Variants in CEP126 observed in about 807,000 individuals in gnomAD.
CEP126 encodes centrosomal protein of 126 kDa.
In CEP126, 74 loss-of-function variants were observed where a neutral mutation model predicts 107.8. The ratio of observed to expected loss-of-function variants is 0.69; its 90% CI spans 0.57 to 0.83. CEP126 has a LOEUF of 0.83. Among genes scored for constraint, CEP126 ranks in the 40% least tolerant of loss-of-function variants. CEP126 has a pLI of 0.00. For synonymous variants in CEP126, 449 were observed against 446.0 expected (o/e 1.01, Z -0.08); for missense variants, 1,237 against 1,281.9 (o/e 0.96, Z 0.53).
intron 9 of CEP126, among the ~76,000 whole-genome samples, chr11:101,989,060 G>A (rs4754826): frequency 0.056 from 8,577 of 152,036 alleles, 463 homozygotes; most frequent in East Asian, 0.27. Flanking sequence ...AATGAACCAT[G>A]TATAAGACCA....
intron 9 of CEP126, among the ~76,000 whole-genome samples, chr11:101,989,950 A>C (rs1345428884): frequency 6.6e-6 from 1 of 152,080 alleles, no homozygotes. Flanking sequence ...ACAGAGTGAG[A>C]CTCCATCTCA....
At position 101,963,187 on chromosome 11, in the gene CEP126, G is replaced by A. The variant is rs1305288311; in HGVS notation, c.2152G>A (p.Gly718Ser). Residue 718 changes from glycine to serine, a missense_variant, in exon 6 of 11, where the codon GGT (glycine) becomes AGT (serine). Transcript: ENST00000263468. ...GCCTTTGAACTGTTTTATACCTTCAGGTTATAACTTTGCTAAACATGCCTG... is the reference window on the plus strand; with the variant it reads ...GCCTTTGAACTGTTTTATACCTTCAAGTTATAACTTTGCTAAACATGCCTG... ...HMPLNCFIPS[G>S]YNFAKHAWPA... 6.2e-7 allele frequency: 1 copy of A among 1,613,982 alleles called. No homozygotes were observed. Among genetic ancestry groups the A allele is most frequent in the Admixed American group, 1.7e-5 (1 of 60,010 alleles).
At chr11:101,941,385 A>G (rs1184679255) in intron 2 of CEP126, among the ~76,000 whole-genome samples, 2 of 152,162 alleles carry the variant, frequency 1.3e-5, no homozygotes, top group African/African-American at 4.8e-5. Flanking sequence ...TTAAAGTGAA[A>G]TCATACAACA....
intron 2 of CEP126, among the ~76,000 whole-genome samples, chr11:101,928,447 GT>G (rs1277719503): frequency 6.6e-6 from 1 of 152,150 alleles, no homozygotes; most frequent in Non-Finnish European, 1.5e-5. Flanking sequence ...GTAGCCCTAG[GT>G]TCTGAAGATT....
intron 2 of CEP126, among the ~76,000 whole-genome samples, chr11:101,933,106 G>GGAAA (rs1460155270): frequency 6.6e-6 from 1 of 152,122 alleles, no homozygotes; most frequent in Non-Finnish European, 1.5e-5. Context: ...GAGTATGATG[G>GGAAA]GAAAGACAGA....
In CEP126 at chr11:101,996,927, G is replaced by A. The variant is rs145584545; in HGVS notation, c.3310-672G>A. On this transcript the variant is annotated intron_variant, in intron 10 of 10. Transcript: ENST00000263468. ...CCCATTTCTGCTATACAACACTATA[G>A]AGTTTTATTGGTACCCAGAATTTAT... 3.4e-3 allele frequency among the ~76,000 whole-genome samples: 523 copies of A among 152,214 alleles called. 1 individual carries two copies. The highest frequency in any genetic ancestry group is 0.012 in the African/African-American group (494 of 41,534).
At position 101,978,733 on chromosome 11, in the gene CEP126, A is replaced by G. The variant is rs565427286; in HGVS notation, c.2958+274A>G. The stretch of plus-strand genomic sequence containing the variant: ...TTTTAGTTGTTATTATTGATAGCCA[A>G]TGCTGGAAAAAATGAGGTCATTCAC... On this transcript the variant is annotated intron_variant, in intron 7 of 10. Transcript: ENST00000263468. 3.9e-5 allele frequency among the ~76,000 whole-genome samples: 6 copies of G among 152,232 alleles called. 1 individual carries two copies. Among genetic ancestry groups the G allele is most frequent in the Admixed American group, 2.6e-4 (4 of 15,284 alleles).
intron 2 of CEP126, among the ~76,000 whole-genome samples, chr11:101,934,959 A>G (rs936861984): frequency 6.6e-6 from 1 of 152,102 alleles, no homozygotes; most frequent in East Asian, 1.9e-4. Context: ...ATGTTTAACC[A>G]TATAAGAAGA....
intron 1 of CEP126, among the ~76,000 whole-genome samples, chr11:101,919,087 GAAC>G (rs1940281565): frequency 6.6e-6 from 1 of 152,166 alleles, no homozygotes. Flanking sequence ...AGCTTTTGGA[GAAC>G]AACAAAGAGA....
At chr11:101,992,431 A>C (rs1012686204) in intron 9 of CEP126, among the ~76,000 whole-genome samples, 3 of 152,054 alleles carry the variant, frequency 2.0e-5, no homozygotes, top group Admixed American at 6.5e-5. Flanking sequence ...CTAAATAAAC[A>C]TCTCTTTTTT....
At chr11:101,942,537 A>G (rs1290008640) in intron 2 of CEP126, among the ~76,000 whole-genome samples, 3 of 148,228 alleles carry the variant, frequency 2.0e-5, no homozygotes, top group Non-Finnish European at 4.5e-5. Context: ...TGAAATCAGG[A>G]AGGGTGAAAC....
intron 4 of CEP126, among the ~76,000 whole-genome samples, chr11:101,953,619 A>C (rs1329371377): frequency 1.3e-5 from 2 of 152,074 alleles, no homozygotes; most frequent in African/African-American, 2.4e-5. Flanking sequence ...GATGATGCGG[A>C]AACCAAGGGA....
At chr11:101,958,072 C>T (rs905732661) in intron 4 of CEP126, 96 bp from the exon 5 acceptor site, 2 of 999,498 alleles carry the variant, frequency 2.0e-6, no homozygotes, top group African/African-American at 3.2e-5. Context: ...TCTGGACAAA[C>T]ACACACGTAT....
intron 2 of CEP126, among the ~76,000 whole-genome samples, chr11:101,926,231 A>G (rs1368455895): frequency 2.6e-5 from 4 of 152,214 alleles, no homozygotes; most frequent in Non-Finnish European, 4.4e-5. Context: ...AAAGGACAAG[A>G]AAGAATTCCT....
At chr11:101,985,135 T>C (rs1469579847) in intron 8 of CEP126, among the ~76,000 whole-genome samples, 1 of 152,202 alleles carries the variant, frequency 6.6e-6, no homozygotes, top group Non-Finnish European at 1.5e-5. Flanking sequence ...CAACCACAGA[T>C]AATCCACATA....
Position 101,963,190 on chromosome 11 carries a change from T to G in CEP126, c.2155T>G (p.Tyr719Asp). The change falls in exon 6 of 11, where the codon TAT becomes GAT. Residue 719 changes from tyrosine (Y) to aspartate (D), a missense_variant. This residue lies in a region of CEP126 where 1,134 missense variants were observed against 1,150.5 expected (regional missense o/e 0.99). Transcript: ENST00000263468. ...MPLNCFIPSG[Y>D]NFAKHAWPAS... Reference sequence around the variant, plus strand: ...TTTGAACTGTTTTATACCTTCAGGTTATAACTTTGCTAAACATGCCTGGCC... The same window carrying G: ...TTTGAACTGTTTTATACCTTCAGGTGATAACTTTGCTAAACATGCCTGGCC... 6.2e-7 allele frequency: 1 copy of G among 1,614,064 alleles called. No individual in the cohort carries two copies. The highest frequency in any genetic ancestry group is 1.1e-5 in the South Asian group (1 of 91,074).
At chr11:101,948,475 G>A (rs1190034350) in intron 4 of CEP126, among the ~76,000 whole-genome samples, 1 of 152,056 alleles carries the variant, frequency 6.6e-6, no homozygotes, top group Non-Finnish European at 1.5e-5. Flanking sequence ...AAATTATGTT[G>A]AATTGTAATA....
intron 9 of CEP126, among the ~76,000 whole-genome samples, chr11:101,989,742 G>A (rs979542309): frequency 3.3e-5 from 5 of 152,046 alleles, no homozygotes; most frequent in African/African-American, 7.2e-5. Flanking sequence ...GGCGGATCAC[G>A]AGGCCAGGAG....
chr11:101,981,631 C>A (rs1941255547), intron 7 of CEP126, among the ~76,000 whole-genome samples: 1 of 152,098 alleles, frequency 6.6e-6, no homozygotes, highest in Non-Finnish European at 1.5e-5. Flanking sequence ...CACTTTACCT[C>A]TTCCAAATAT....
Sources: allele counts gnomAD v4.1 joint callset (sites outside exome capture counted in the v4.1 genomes callset), GRCh38; gene constraint gnomAD v4.1.1; regional missense constraint gnomAD v4.1.1; transcripts MANE v1.5; gene names NCBI Gene and HGNC (gene_info 2026-07-23, HGNC 2026-07-21).